TRPM3: variants seen among roughly 807,000 people sequenced by gnomAD.
TRPM3 encodes the protein long transient receptor potential channel 3.
In TRPM3, 77 loss-of-function variants were observed where a neutral mutation model predicts 181.2. The observed-to-expected ratio is 0.42, with a 90% CI of 0.35 to 0.51. TRPM3 has a LOEUF of 0.51. TRPM3 is among the 20% of genes least tolerant of loss of function. TRPM3 has a pLI of 0.01. For missense variants in TRPM3, 1,759 were observed against 2,196.7 expected, an observed-to-expected ratio of 0.80 and a Z score of 3.98; for synonymous variants, 745 against 796.4, an observed-to-expected ratio of 0.94 and a Z score of 1.09.
intron 1 of TRPM3, among the ~76,000 whole-genome samples, chr9:71,062,622 C>T (rs966568062): frequency 6.6e-6 from 1 of 152,108 alleles, no homozygotes; most frequent in African/African-American, 2.4e-5. Context: ...ATGTATCCCA[C>T]AAAATTCATG....
chr9:70,994,917 C>A (rs1358473482), intron 1 of TRPM3, among the ~76,000 whole-genome samples: 1 of 152,220 alleles, frequency 6.6e-6, no homozygotes, highest in Non-Finnish European at 1.5e-5. Context: ...ACCTCTAAAA[C>A]TCTTTTCCTT....
At chr9:70,933,114 G>A (rs2096791543) in intron 1 of TRPM3, among the ~76,000 whole-genome samples, 1 of 152,130 alleles carries the variant, frequency 6.6e-6, no homozygotes, top group African/African-American at 2.4e-5. Context: ...AAGATTAGAA[G>A]AGATCAAGAT....
At chr9:70,749,285 C>G (rs1564113414) in intron 8 of TRPM3, among the ~76,000 whole-genome samples, 1 of 152,096 alleles carries the variant, frequency 6.6e-6, no homozygotes, top group South Asian at 2.1e-4. Context: ...ATTTTAGAAT[C>G]ATTATTGCAA....
At chr9:71,260,351 C>A (rs1487637153) in intron 1 of TRPM3, among the ~76,000 whole-genome samples, 1 of 152,086 alleles carries the variant, frequency 6.6e-6, no homozygotes, top group African/African-American at 2.4e-5. Flanking sequence ...TTAGGATTTT[C>A]TTGGCTATGC....
At chr9:70,659,915 G>A (rs1190502000) in intron 9 of TRPM3, among the ~76,000 whole-genome samples, 2 of 152,118 alleles carry the variant, frequency 1.3e-5, no homozygotes, top group African/African-American at 2.4e-5. Flanking sequence ...CTGATGGATC[G>A]ACTTCACAGT....
chr9:71,346,289 A>G (rs78947968), intron 1 of TRPM3, among the ~76,000 whole-genome samples: 14,386 of 152,214 alleles, frequency 0.095, 1,167 homozygotes, highest in African/African-American at 0.22. Flanking sequence ...AAATTGTTTA[A>G]TTTGCATGCA....
At chr9:71,294,412 C>T (rs886957233) in intron 1 of TRPM3, among the ~76,000 whole-genome samples, 4 of 152,028 alleles carry the variant, frequency 2.6e-5, no homozygotes, top group African/African-American at 9.7e-5. Context: ...ATTAAAATCT[C>T]AAGGAGATAC....
At chr9:71,182,293 C>A (rs572230401) in intron 1 of TRPM3, among the ~76,000 whole-genome samples, 1 of 152,148 alleles carries the variant, frequency 6.6e-6, no homozygotes, top group African/African-American at 2.4e-5. Flanking sequence ...ATCCACCAGC[C>A]CACATATCAC....
rs1027392393 is a variant in TRPM3 at position 70,531,512 on chromosome 9, G to A, written c.*4441C>T. Reference sequence around the variant, plus strand: ...TGACACAAAATTAAGACCAGGTTTGGAGAGAGATTACTTCATTTCAGTCAC... The same window carrying A: ...TGACACAAAATTAAGACCAGGTTTGAAGAGAGATTACTTCATTTCAGTCAC... On this transcript the variant is annotated 3_prime_UTR_variant, in exon 26 of 26. Coordinates refer to ENST00000677713, the MANE Select transcript of TRPM3 (RefSeq NM_001366145.2). The A allele has an allele frequency of 6.6e-6, 1 of 152,172 alleles. No homozygotes were observed. Among genetic ancestry groups the A allele is most frequent in the African/African-American group, 2.4e-5 (1 of 41,440 alleles). The allele number at this position is 152,172 out of a possible 1,614,324, so 9.4% of individuals were successfully genotyped here.
At chr9:70,923,907 CACATATATACATATAT>C (rs1233430178) in intron 1 of TRPM3, among the ~76,000 whole-genome samples, 2 of 107,290 alleles carry the variant, frequency 1.9e-5, no homozygotes, top group Admixed American at 1.8e-4. Flanking sequence ...CATACACACA[CACATATATACATATAT>C]ACACACATAT....
At chr9:70,632,967 T>A (rs2066163299) in intron 12 of TRPM3, among the ~76,000 whole-genome samples, 1 of 152,176 alleles carries the variant, frequency 6.6e-6, no homozygotes, top group South Asian at 2.1e-4. Flanking sequence ...GAAAAGAAAG[T>A]AATGAGAGGG....
intron 1 of TRPM3, among the ~76,000 whole-genome samples, chr9:71,338,310 G>T (rs938560359): frequency 6.6e-6 from 1 of 152,134 alleles, no homozygotes; most frequent in Non-Finnish European, 1.5e-5. Flanking sequence ...AAGATGATCT[G>T]CCAGTAATTT....
intron 1 of TRPM3, among the ~76,000 whole-genome samples, chr9:70,909,020 G>A (rs1394016756): frequency 2.0e-5 from 3 of 152,136 alleles, no homozygotes; most frequent in Non-Finnish European, 4.4e-5. Flanking sequence ...AGGTAATAAA[G>A]CATCTTTATT....
At chr9:71,371,308 C>G (rs1212138309) in intron 1 of TRPM3, among the ~76,000 whole-genome samples, 1 of 152,106 alleles carries the variant, frequency 6.6e-6, no homozygotes, top group Non-Finnish European at 1.5e-5. Context: ...GGGCAAAGTA[C>G]ATTAAGATCC....
intron 1 of TRPM3, among the ~76,000 whole-genome samples, chr9:71,257,745 T>C (rs1018214590): frequency 6.6e-6 from 1 of 152,200 alleles, no homozygotes; most frequent in African/African-American, 2.4e-5. Context: ...TGTACTTCCA[T>C]GTATACTGAT....
At chr9:70,697,424 T>G (rs138600263) in intron 8 of TRPM3, among the ~76,000 whole-genome samples, 307 of 152,324 alleles carry the variant, frequency 2.0e-3, no homozygotes, top group African/African-American at 7.1e-3. Flanking sequence ...CTCTCTCTCT[T>G]CCTTGAGCCA....
intron 6 of TRPM3, among the ~76,000 whole-genome samples, chr9:70,818,254 T>C: frequency 6.6e-6 from 1 of 152,248 alleles, no homozygotes; most frequent in East Asian, 1.9e-4. Flanking sequence ...TTCATGAATT[T>C]ATTCATTCAC....
At position 71,156,422 on chromosome 9, in the gene TRPM3, A is replaced by AC. The variant is rs1565285039; in HGVS notation, c.183+290230_183+290231insG. ...ACACACACACACACACACACACACA[A>AC]GGCTTATCACCGTACCTGGTAAATA... On this transcript the variant is annotated intron_variant, in intron 1 of 24. Coordinates refer to the TRPM3 transcript ENST00000357533. Among the ~76,000 whole-genome samples, 27 of 95,034 alleles carry AC rather than the reference A, an allele frequency of 2.8e-4. No homozygotes were observed. The East Asian group carries it at 8.6e-3, about 30-fold the overall frequency. 62.3% of individuals were successfully genotyped at this position (95,034 alleles called of 152,430 possible). A position where few individuals can be genotyped will look rare whatever the true frequency, so the allele number is the denominator to read the frequency against.
chr9:70,576,518 T>C (rs1402882095), intron 22 of TRPM3, among the ~76,000 whole-genome samples: 1 of 151,662 alleles, frequency 6.6e-6, no homozygotes, highest in African/African-American at 2.4e-5. Context: ...CTTTTTTTTT[T>C]TTTTTTGGTT....
Sources: allele counts gnomAD v4.1 joint callset (sites outside exome capture counted in the v4.1 genomes callset), GRCh38; gene constraint gnomAD v4.1.1; transcripts MANE v1.5; gene names NCBI Gene and HGNC (gene_info 2026-07-23, HGNC 2026-07-21).